INPP4B: variants seen among roughly 807,000 people sequenced by gnomAD.
INPP4B encodes the protein inositol polyphosphate-4-phosphatase type II B.
In INPP4B, 55 loss-of-function variants were observed where a neutral mutation model predicts 122.5. That is an observed-to-expected ratio of 0.45 (90% CI 0.36 to 0.56). INPP4B has a LOEUF of 0.56. Among genes scored for constraint, INPP4B ranks in the 20% least tolerant of loss-of-function variants. The pLI, the probability that INPP4B is intolerant of heterozygous loss-of-function variation, is 0.00. For synonymous variants in INPP4B, 403 were observed against 388.7 expected (o/e 1.04, Z -0.43); for missense variants, 1,000 against 1,097.7 (o/e 0.91, Z 1.26).
intron 5 of INPP4B, among the ~76,000 whole-genome samples, chr4:142,415,088 G>A (rs1340236519): frequency 1.3e-5 from 2 of 152,154 alleles, no homozygotes; most frequent in Non-Finnish European, 2.9e-5. Flanking sequence ...CTTTCTCCAG[G>A]AGCTGAGGTG....
At chr4:142,108,947 T>A (rs1289025330) in intron 22 of INPP4B, among the ~76,000 whole-genome samples, 1 of 152,156 alleles carries the variant, frequency 6.6e-6, no homozygotes, top group Non-Finnish European at 1.5e-5. Flanking sequence ...AATTTCAGTG[T>A]GCATTTTCCA....
rs148273901 is a variant in INPP4B, at chr4:142,399,162, T to G, written c.372+3776A>C. Among the ~76,000 whole-genome samples the G allele has an allele frequency of 4.6e-3, 696 of 151,264 alleles. 5 individuals carry two copies. Among genetic ancestry groups the G allele is most frequent in the African/African-American group, 0.017 (681 of 41,266 alleles). ...AAAGAGACAAAGTTTTATGGTGATG[T>G]TCTTTTCCTTTCTAAATTTCCTTTT... is the stretch of plus-strand genomic sequence containing the variant. On this transcript the variant is annotated intron_variant, in intron 7 of 25. Coordinates refer to ENST00000262992, the MANE Select transcript of INPP4B (RefSeq NM_001101669.3).
chr4:142,813,181 A>T (rs1561098902), intron 1 of INPP4B, among the ~76,000 whole-genome samples: 1 of 152,200 alleles, frequency 6.6e-6, no homozygotes, highest in Non-Finnish European at 1.5e-5. Context: ...CCAAGCCAAT[A>T]ATGAGTTAAA....
At chr4:142,545,187 A>T (rs1345207335) in intron 2 of INPP4B, among the ~76,000 whole-genome samples, 1 of 152,208 alleles carries the variant, frequency 6.6e-6, no homozygotes. Context: ...CACTTATATT[A>T]GTTCAAGACA....
chr4:142,555,587 G>C (rs185317064), intron 2 of INPP4B, among the ~76,000 whole-genome samples: 1 of 151,948 alleles, frequency 6.6e-6, no homozygotes, highest in Non-Finnish European at 1.5e-5. Context: ...AAAGCATTTC[G>C]GCCAGGCGTG....
intron 7 of INPP4B, among the ~76,000 whole-genome samples, chr4:142,393,974 C>T (rs778634584): frequency 1.3e-5 from 2 of 152,190 alleles, no homozygotes; most frequent in Non-Finnish European, 2.9e-5. Flanking sequence ...TTTAATTTGG[C>T]TGAAGTTTTT....
chr4:142,340,270 T>C (rs1477177596), intron 7 of INPP4B, among the ~76,000 whole-genome samples: 1 of 152,182 alleles, frequency 6.6e-6, no homozygotes, highest in Non-Finnish European at 1.5e-5. Flanking sequence ...TTAGGATCTC[T>C]TGCTCCCCAT....
chr4:142,547,683 G>T (rs1013935240), intron 2 of INPP4B, among the ~76,000 whole-genome samples: 3 of 152,050 alleles, frequency 2.0e-5, no homozygotes, highest in African/African-American at 7.2e-5. Flanking sequence ...CTCAAACACT[G>T]GCTAGTAGAA....
intron 2 of INPP4B, among the ~76,000 whole-genome samples, chr4:142,715,939 C>T (rs556382743): frequency 6.6e-6 from 1 of 152,274 alleles, no homozygotes; most frequent in Admixed American, 6.5e-5. Context: ...GCTGGACTGT[C>T]AGCTGGAACA....
chr4:142,740,677 G>C (rs1210776004), intron 1 of INPP4B, among the ~76,000 whole-genome samples: 2 of 151,742 alleles, frequency 1.3e-5, no homozygotes, highest in South Asian at 2.1e-4. Context: ...AGCCCAAAAG[G>C]GTGGACAATA....
chr4:142,438,466 TAATA>T (rs769260198), intron 3 of INPP4B, among the ~76,000 whole-genome samples: 7 of 152,168 alleles, frequency 4.6e-5, no homozygotes, highest in Non-Finnish European at 1.0e-4. Context: ...ATTCCCTATC[TAATA>T]AATGGTGCTG....
chr4:142,533,869 T>C (rs1402785643), intron 2 of INPP4B, among the ~76,000 whole-genome samples: 1 of 152,188 alleles, frequency 6.6e-6, no homozygotes, highest in African/African-American at 2.4e-5. Context: ...TCTGGGAACA[T>C]GGTGGGACTG....
At chr4:142,211,426 A>G (rs17654193) in intron 12 of INPP4B, among the ~76,000 whole-genome samples, 2 of 151,974 alleles carry the variant, frequency 1.3e-5, no homozygotes, top group Admixed American at 1.3e-4. Context: ...TGGTCAAAAA[A>G]CCTCCTAGAT....
chr4:142,415,751 C>T (rs889340985), intron 5 of INPP4B, among the ~76,000 whole-genome samples: 3 of 152,106 alleles, frequency 2.0e-5, no homozygotes, highest in Non-Finnish European at 2.9e-5. Context: ...TTGGAACCAA[C>T]CCAAATGTCC....
chr4:142,211,110 T>G (rs1907139), intron 12 of INPP4B, among the ~76,000 whole-genome samples: 151,078 of 152,258 alleles, frequency 0.99, 74,961 homozygotes, highest in Middle Eastern at 1. Flanking sequence ...CAAACAACTA[T>G]CATACTGTCT....
chr4:142,680,746 C>T (rs1269862121), intron 2 of INPP4B, among the ~76,000 whole-genome samples: 1 of 151,806 alleles, frequency 6.6e-6, no homozygotes, highest in African/African-American at 2.4e-5. Flanking sequence ...TCCTTTCCAC[C>T]AACTGTCTCC....
intron 2 of INPP4B, among the ~76,000 whole-genome samples, chr4:142,653,239 CT>C (rs1753401003): frequency 6.6e-6 from 1 of 152,132 alleles, no homozygotes; most frequent in Admixed American, 6.6e-5. Flanking sequence ...GGATTAAAGA[CT>C]TAAATGTTAC....
chr4:142,799,287 T>C (rs914363095), intron 1 of INPP4B, among the ~76,000 whole-genome samples: 2 of 151,890 alleles, frequency 1.3e-5, no homozygotes, highest in Non-Finnish European at 2.9e-5. Flanking sequence ...ATATTTTGAA[T>C]AGTCATGTGC....
At chr4:142,682,349 T>C (rs1758745001) in intron 2 of INPP4B, among the ~76,000 whole-genome samples, 1 of 151,772 alleles carries the variant, frequency 6.6e-6, no homozygotes, top group African/African-American at 2.4e-5. Context: ...TGAACACGGA[T>C]TATAAAAGAA....
Sources: gnomAD v4.1 joint callset for allele counts (sites outside exome capture counted in the v4.1 genomes callset) on GRCh38, gnomAD v4.1.1 for gene constraint, MANE v1.5 for transcripts, NCBI Gene and HGNC (gene_info 2026-07-23, HGNC 2026-07-21) for gene names.